The following EPHA7 variants were observed in gnomAD, a reference collection of about 807,000 sequenced individuals.
EPHA7 encodes the protein ephrin type-A receptor 7.
A neutral mutation model predicts 112.6 loss-of-function variants in EPHA7; 25 were observed. That is an observed-to-expected ratio of 0.22 (90% CI 0.16 to 0.31). EPHA7 has a LOEUF of 0.31. EPHA7 is among the 10% of genes least tolerant of loss of function. The pLI is 1.00. For missense variants in EPHA7, 962 were observed against 1,212.6 expected (o/e 0.79, Z 3.07); for synonymous variants, 437 against 406.5 (o/e 1.07, Z -0.90).
intron 6 of EPHA7, 108 bp from the exon 7 acceptor site, chr6:93,269,768 A>G: frequency 1.2e-6 from 1 of 850,010 alleles, no homozygotes; most frequent in Admixed American, 2.8e-5. Context: ...TATAGAGGCT[A>G]CATTGTACTT....
In EPHA7 at chr6:93,289,620, T is replaced by A. The variant is rs567892272; in HGVS notation, c.1325-17198A>T. 2.8e-3 allele frequency among the ~76,000 whole-genome samples: 430 copies of A among 151,872 alleles called. 1 individual carries two copies. The highest frequency in any genetic ancestry group is 9.4e-3 in the African/African-American group (389 of 41,416). On this transcript the variant is annotated intron_variant, in intron 5 of 16. Coordinates refer to ENST00000369303, the MANE Select transcript of EPHA7 (RefSeq NM_004440.4). ...GCCTGGGTGACAGTGCAAGACTCCA[T>A]CTCAAAAAAATAAAAAAATAAAAAA...
At chr6:93,337,225 T>C (rs755484508) in intron 5 of EPHA7, among the ~76,000 whole-genome samples, 1 of 152,200 alleles carries the variant, frequency 6.6e-6, no homozygotes, top group Admixed American at 6.5e-5. Context: ...TGCTCAATAA[T>C]GTCAAAGATT....
At chr6:93,291,407 A>T (rs1214647863) in intron 5 of EPHA7, among the ~76,000 whole-genome samples, 1 of 152,192 alleles carries the variant, frequency 6.6e-6, no homozygotes. Context: ...CTAATCACAC[A>T]GGCAAATAAA....
chr6:93,298,495 A>G (rs1265173357), intron 5 of EPHA7, among the ~76,000 whole-genome samples: 1 of 152,164 alleles, frequency 6.6e-6, no homozygotes, highest in Non-Finnish European at 1.5e-5. Context: ...TTATATATAC[A>G]TATATGAACT....
intron 5 of EPHA7, among the ~76,000 whole-genome samples, chr6:93,277,868 T>A (rs529770134): frequency 8.6e-5 from 13 of 152,014 alleles, no homozygotes; most frequent in Admixed American, 5.9e-4. Flanking sequence ...AAATATGATG[T>A]TGAGCTGAAA....
chr6:93,393,920 T>C (rs1778033290), intron 3 of EPHA7, among the ~76,000 whole-genome samples: 2 of 151,852 alleles, frequency 1.3e-5, no homozygotes, highest in South Asian at 2.1e-4. Flanking sequence ...AAATTGTATC[T>C]GTACTCCAGA....
At chr6:93,414,652 G>C in intron 2 of EPHA7, 51 bp downstream of exon 2, 1 of 1,416,090 alleles carries the variant, frequency 7.1e-7, no homozygotes, top group Non-Finnish European at 1.0e-6. Context: ...GAAGGGAAAC[G>C]TTTTGTTTCT....
At chr6:93,252,519 T>A (rs1239484430) in intron 14 of EPHA7, among the ~76,000 whole-genome samples, 1 of 151,914 alleles carries the variant, frequency 6.6e-6, no homozygotes, top group African/African-American at 2.4e-5. Flanking sequence ...AGTCTCTCCA[T>A]GAACTCCTAC....
chr6:93,261,783 G>T (rs1375760053), intron 9 of EPHA7, among the ~76,000 whole-genome samples: 1 of 151,338 alleles, frequency 6.6e-6, no homozygotes, highest in African/African-American at 2.4e-5. Context: ...GTCTATATTA[G>T]CAAGTAAGGC....
At chr6:93,313,892 A>G (rs984659756) in intron 5 of EPHA7, among the ~76,000 whole-genome samples, 3 of 152,142 alleles carry the variant, frequency 2.0e-5, no homozygotes, top group Non-Finnish European at 4.4e-5. Flanking sequence ...ACTAACTGGT[A>G]GACAGATGTA....
intron 4 of EPHA7, among the ~76,000 whole-genome samples, chr6:93,357,995 A>T (rs1316779067): frequency 6.6e-6 from 1 of 152,116 alleles, no homozygotes; most frequent in Non-Finnish European, 1.5e-5. Flanking sequence ...TATGATTCTT[A>T]TGAGATACAT....
At chr6:93,322,445 C>T (rs951024762) in intron 5 of EPHA7, among the ~76,000 whole-genome samples, 1 of 151,508 alleles carries the variant, frequency 6.6e-6, no homozygotes, top group Non-Finnish European at 1.5e-5. Flanking sequence ...CCCAGGAAGG[C>T]CAAAAGATTT....
intron 3 of EPHA7, among the ~76,000 whole-genome samples, chr6:93,358,834 A>G (rs757343621): frequency 3.9e-5 from 6 of 152,172 alleles, no homozygotes; most frequent in Non-Finnish European, 8.8e-5. Flanking sequence ...AACTTTTGAC[A>G]TGTTGATTTG....
chr6:93,269,736 A>G, intron 6 of EPHA7, 76 bp from the exon 7 acceptor site: 3 of 1,219,546 alleles, frequency 2.5e-6, no homozygotes, highest in Non-Finnish European at 3.4e-6. Context: ...TTTCAATTTA[A>G]TTCAATTTGC....
intron 5 of EPHA7, among the ~76,000 whole-genome samples, chr6:93,338,479 A>G (rs17687420): frequency 0.2 from 30,767 of 151,630 alleles, 3,681 homozygotes; most frequent in Non-Finnish European, 0.27. Flanking sequence ...TTGAAATTCA[A>G]CTCTCTTTCC....
intron 5 of EPHA7, among the ~76,000 whole-genome samples, chr6:93,314,922 G>A (rs1201707442): frequency 7.0e-6 from 1 of 141,966 alleles, no homozygotes; most frequent in Non-Finnish European, 1.5e-5. Context: ...GAGTGCAGTG[G>A]CGCGATCTCG....
intron 3 of EPHA7, among the ~76,000 whole-genome samples, chr6:93,404,552 G>T (rs1778595993): frequency 6.7e-6 from 1 of 150,154 alleles, no homozygotes; most frequent in Non-Finnish European, 1.5e-5. Flanking sequence ...TTTTATTCAT[G>T]AATTTATATA....
rs114207987 is a variant in EPHA7, at chr6:93,407,712, A to G, written c.832+2789T>C. Among the ~76,000 whole-genome samples the G allele has an allele frequency of 7.2e-3, 1,102 of 152,154 alleles. 16 individuals are homozygous for G. Among genetic ancestry groups the G allele is most frequent in the African/African-American group, 0.023 (964 of 41,550 alleles). On this transcript the variant is annotated intron_variant, in intron 3 of 16. Coordinates refer to ENST00000369303, the MANE Select transcript of EPHA7 (RefSeq NM_004440.4). ...AAGTATTCAAAAGCAGAATTAATGA[A>G]GATGACAGTGGAGTAATTTTATTTT...
At chr6:93,357,989 A>G (rs1489662472) in intron 4 of EPHA7, among the ~76,000 whole-genome samples, 1 of 152,114 alleles carries the variant, frequency 6.6e-6, no homozygotes, top group East Asian at 1.9e-4. Context: ...TTTACTTATG[A>G]TTCTTATGAG....
Sources: allele counts gnomAD v4.1 joint callset (sites outside exome capture counted in the v4.1 genomes callset), GRCh38; gene constraint gnomAD v4.1.1; transcripts MANE v1.5; gene names NCBI Gene and HGNC (gene_info 2026-07-23, HGNC 2026-07-21).